The following PCMT1 variants were observed in gnomAD, a reference collection of about 807,000 sequenced individuals.
PCMT1 encodes the protein protein-L-isoaspartate(D-aspartate) O-methyltransferase.
A neutral mutation model predicts 29.2 loss-of-function variants in PCMT1; 9 were observed. The ratio of observed to expected loss-of-function variants is 0.31; its 90% CI spans 0.19 to 0.54. The LOEUF is 0.54. Among genes scored for constraint, PCMT1 ranks in the 20% least tolerant of loss-of-function variants. The pLI is 0.95. For synonymous variants in PCMT1, 98 were observed against 97.5 expected, an observed-to-expected ratio of 1.00 and a Z score of -0.03; for missense variants, 184 against 282.2, an observed-to-expected ratio of 0.65 and a Z score of 2.49.
intron 3 of PCMT1, among the ~76,000 whole-genome samples, chr6:149,773,914 T>C (rs997210080): frequency 2.0e-5 from 3 of 152,228 alleles, no homozygotes; most frequent in African/African-American, 7.2e-5. Context: ...TTAAGCTGCA[T>C]AGCTCCTTGA....
intron 1 of PCMT1, among the ~76,000 whole-genome samples, chr6:149,751,313 C>T (rs544682064): frequency 2.6e-5 from 4 of 151,904 alleles, no homozygotes; most frequent in African/African-American, 9.7e-5. Flanking sequence ...GAGGAAACTC[C>T]GCCTCAAAAA....
intron 3 of PCMT1, among the ~76,000 whole-genome samples, chr6:149,775,903 T>TA (rs1787542933): frequency 1.3e-5 from 2 of 152,282 alleles, no homozygotes. Context: ...CTCACATCTG[T>TA]AATCCCAGCA....
At chr6:149,789,261 A>G (rs1360698516) in intron 3 of PCMT1, among the ~76,000 whole-genome samples, 1 of 151,962 alleles carries the variant, frequency 6.6e-6, no homozygotes, top group East Asian at 1.9e-4. Flanking sequence ...TATTTTTAGT[A>G]GAGATGGAGT....
chr6:149,751,052 C>T (rs1255979267), intron 1 of PCMT1, among the ~76,000 whole-genome samples: 1 of 152,172 alleles, frequency 6.6e-6, no homozygotes, highest in Non-Finnish European at 1.5e-5. Flanking sequence ...CTCATTGGCT[C>T]ACGCCTGTAA....
chr6:149,779,163 G>A (rs1787705731), intron 3 of PCMT1, among the ~76,000 whole-genome samples: 1 of 152,108 alleles, frequency 6.6e-6, no homozygotes, highest in Non-Finnish European at 1.5e-5. Flanking sequence ...GGCACAGCGA[G>A]TTCTTGCTTC....
intron 5 of PCMT1, 109 bp from the exon 6 acceptor site, chr6:149,796,306 C>A: frequency 1.7e-6 from 1 of 596,284 alleles, no homozygotes; most frequent in Non-Finnish European, 3.0e-6. Flanking sequence ...GTCCCAGGAT[C>A]ATTTATTGAA....
intron 3 of PCMT1, among the ~76,000 whole-genome samples, chr6:149,788,532 T>C (rs1788218173): frequency 6.6e-6 from 1 of 152,232 alleles, no homozygotes; most frequent in African/African-American, 2.4e-5. Context: ...TTGGGTTTGT[T>C]TGATGTTTCC....
chr6:149,808,858 G>A (rs980074131), intron 7 of PCMT1, among the ~76,000 whole-genome samples: 56 of 151,620 alleles, frequency 3.7e-4, no homozygotes, highest in Non-Finnish European at 6.8e-4. Flanking sequence ...GGATGGTCTC[G>A]ATCTCCTGAC....
chr6:149,803,780 G>T (rs1364072731), intron 7 of PCMT1, among the ~76,000 whole-genome samples: 1 of 143,486 alleles, frequency 7.0e-6, no homozygotes, highest in African/African-American at 2.6e-5. Context: ...TGAATTATAC[G>T]TGGAGCACAG....
In PCMT1 at chr6:149,792,874, C is replaced by T. The variant is rs1229510304; in HGVS notation, c.298-675C>T. 3.3e-4 allele frequency among the ~76,000 whole-genome samples: 50 copies of T among 151,762 alleles called. 1 individual carries two copies. The highest frequency in any genetic ancestry group is 3.1e-3 in the Admixed American group (47 of 15,212). Reference sequence around the variant, plus strand: ...AGTGTAGAAATTCCTTCCCATCAGGCGGGAGGCAGGGTGTGTGGTGGCTCA... The same window carrying T: ...AGTGTAGAAATTCCTTCCCATCAGGTGGGAGGCAGGGTGTGTGGTGGCTCA... On this transcript the variant is annotated intron_variant, in intron 4 of 7. Coordinates refer to ENST00000464889, the MANE Select transcript of PCMT1 (RefSeq NM_001360452.2).
intron 4 of PCMT1, among the ~76,000 whole-genome samples, chr6:149,793,274 A>G (rs1387249290): frequency 1.3e-5 from 2 of 152,176 alleles, no homozygotes; most frequent in Non-Finnish European, 2.9e-5. Context: ...CTACTATTAA[A>G]TATTGGTAAT....
Position 149,787,223 on chromosome 6 carries a change from C to T in PCMT1, c.193-2731C>T, listed in dbSNP as rs568486497. On this transcript the variant is annotated intron_variant, in intron 3 of 7. Coordinates refer to ENST00000464889, the MANE Select transcript of PCMT1 (RefSeq NM_001360452.2). Reference sequence around the variant, plus strand: ...GGGAGATTGCAGTGAGTTGAGATGGCGGCAGTACAGTCCAGCTTCGGCTCG... The same window carrying T: ...GGGAGATTGCAGTGAGTTGAGATGGTGGCAGTACAGTCCAGCTTCGGCTCG... Among the ~76,000 whole-genome samples the T allele has an allele frequency of 3.5e-5, 5 of 144,344 alleles. No homozygotes were observed. In the South Asian group the frequency reaches 9.1e-4, roughly 26 times the overall value. 94.7% of individuals were successfully genotyped at this position (144,344 alleles called of 152,430 possible).
At chr6:149,803,012 C>T (rs1775887982) in intron 7 of PCMT1, among the ~76,000 whole-genome samples, 1 of 125,362 alleles carries the variant, frequency 8.0e-6, no homozygotes, top group Non-Finnish European at 1.6e-5. Flanking sequence ...GAGATTTTGA[C>T]ACTGCACTCC....
intron 3 of PCMT1, among the ~76,000 whole-genome samples, chr6:149,779,557 C>T (rs1020297262): frequency 6.6e-6 from 1 of 152,122 alleles, no homozygotes; most frequent in Non-Finnish European, 1.5e-5. Context: ...TGCCTGTAAC[C>T]CTAGCACTTT....
At chr6:149,787,182 G>A (rs183718503) in intron 3 of PCMT1, among the ~76,000 whole-genome samples, 3,268 of 146,580 alleles carry the variant, frequency 0.022, 127 homozygotes, top group African/African-American at 0.079. Context: ...GCAGGCTGAG[G>A]CAGGAGAATC....
intron 5 of PCMT1, chr6:149,795,367 A>C (rs1028668682): frequency 1.0e-5 from 4 of 399,716 alleles, no homozygotes; most frequent in Non-Finnish European, 1.9e-5. Context: ...AAGTTTAGAT[A>C]ATAGCTGTTA....
At chr6:149,785,355 C>CTTTT (rs11310169) in intron 3 of PCMT1, among the ~76,000 whole-genome samples, 3 of 73,236 alleles carry the variant, frequency 4.1e-5, no homozygotes, top group East Asian at 4.4e-4. Flanking sequence ...TGGCTGTTTT[C>CTTTT]TTTTTTTTTT....
chr6:149,809,194 G>A (rs1294494154), intron 7 of PCMT1, among the ~76,000 whole-genome samples: 1 of 142,078 alleles, frequency 7.0e-6, no homozygotes, highest in Non-Finnish European at 1.5e-5. Flanking sequence ...GGGAGGCAGA[G>A]GTTGCAGTGA....
In PCMT1 at chr6:149,762,495, C is replaced by T. The variant is rs1786782089; in HGVS notation, c.56-8667C>T. ...AGAAATATTTTAGAGTGCTGGTAAT[C>T]TATGATATATATATATATCTATGAT... On this transcript the variant is annotated intron_variant, in intron 1 of 7. Transcript: ENST00000464889. Among the ~76,000 whole-genome samples the T allele has an allele frequency of 1.7e-5, 2 of 117,978 alleles. 1 individual carries two copies. Among genetic ancestry groups the T allele is most frequent in the African/African-American group, 6.6e-5 (2 of 30,138 alleles). 77.4% of individuals were successfully genotyped at this position (117,978 alleles called of 152,430 possible).
Sources: gnomAD v4.1 joint callset for allele counts (sites outside exome capture counted in the v4.1 genomes callset) on GRCh38, gnomAD v4.1.1 for gene constraint, MANE v1.5 for transcripts, NCBI Gene and HGNC (gene_info 2026-07-23, HGNC 2026-07-21) for gene names.